The following LRRC2 variants were observed in gnomAD, a reference collection of about 807,000 sequenced individuals.
LRRC2 encodes the protein leucine rich repeat containing 2, also known as leucine-rich repeat-containing protein 2.
Under a neutral mutation model 40.2 loss-of-function variants are expected in LRRC2, and 27 were observed. The observed-to-expected ratio is 0.67, with a 90% confidence interval of 0.49 to 0.93. The LOEUF (loss-of-function observed/expected upper bound fraction) is 0.93, where lower values mean the gene tolerates loss of function less well. Ranked by LOEUF, LRRC2 falls within the 40% of genes least tolerant of loss-of-function variation. LRRC2 has a pLI of 0.00. For missense variants in LRRC2, 402 were observed against 439.6 expected, an observed-to-expected ratio of 0.91 and a Z score of 0.76; for synonymous variants, 147 against 158.9, an observed-to-expected ratio of 0.92 and a Z score of 0.56.
At chr3:46,535,333 G>A (rs755605262) in intron 4 of LRRC2, among the ~76,000 whole-genome samples, 1 of 152,178 alleles carries the variant, frequency 6.6e-6, no homozygotes, top group Non-Finnish European at 1.5e-5. Context: ...GAAGGGAATC[G>A]TCTGTCTTTG....
At chr3:46,532,032 A>T (rs916626084) in intron 5 of LRRC2, among the ~76,000 whole-genome samples, 1 of 152,252 alleles carries the variant, frequency 6.6e-6, no homozygotes, top group Non-Finnish European at 1.5e-5. Flanking sequence ...GAAACTAATG[A>T]ATATTTTTAA....
At chr3:46,535,226 T>C (rs1192265199) in intron 4 of LRRC2, among the ~76,000 whole-genome samples, 1 of 152,214 alleles carries the variant, frequency 6.6e-6, no homozygotes, top group Non-Finnish European at 1.5e-5. Context: ...ATTGTGTTCT[T>C]TTCTTACGAT....
intron 5 of LRRC2, among the ~76,000 whole-genome samples, chr3:46,530,254 C>T (rs745829366): frequency 1.3e-5 from 2 of 152,124 alleles, no homozygotes; most frequent in South Asian, 2.1e-4. Context: ...TAATACACTG[C>T]GGCTGCCTTC....
chr3:46,564,160 G>A (rs1383445901), intron 1 of LRRC2, among the ~76,000 whole-genome samples: 10 of 151,842 alleles, frequency 6.6e-5, no homozygotes, highest in Non-Finnish European at 1.2e-4. Flanking sequence ...ACCAACCCCT[G>A]TAGAAGCCAA....
intron 3 of LRRC2, among the ~76,000 whole-genome samples, chr3:46,542,701 G>A (rs1407127119): frequency 6.6e-6 from 1 of 152,164 alleles, no homozygotes; most frequent in African/African-American, 2.4e-5. Context: ...ACAGCTCGGG[G>A]AAATTAAACA....
intron 2 of LRRC2, among the ~76,000 whole-genome samples, chr3:46,548,511 C>T (rs1482836799): frequency 8.5e-5 from 13 of 152,156 alleles, no homozygotes; most frequent in Admixed American, 8.5e-4. Flanking sequence ...TTCCTCTCAA[C>T]TCAGTTTTAG....
chr3:46,517,951 G>A lies in LRRC2; in HGVS notation c.*1063C>T, dbSNP rs1296664484. The A allele has an allele frequency of 6.6e-6, 1 of 152,318 alleles. No individual in the cohort carries two copies. The highest frequency in any genetic ancestry group is 1.5e-5 in the Non-Finnish European group (1 of 68,146). The allele number at this position is 152,318 out of a possible 1,614,324, so 9.4% of individuals were successfully genotyped here. ...ATTACCCTACATGGCCATCTTGGAG[G>A]AAGGGACCCTGAGGGCGTTGCCTTT... On this transcript the variant is annotated 3_prime_UTR_variant, in exon 9 of 9. Transcript: ENST00000395905.
intron 1 of LRRC2, among the ~76,000 whole-genome samples, chr3:46,560,029 G>A (rs1375912983): frequency 2.0e-5 from 3 of 152,174 alleles, no homozygotes; most frequent in Admixed American, 2.0e-4. Context: ...ATGTCCAGAG[G>A]TGCTGGGAAG....
chr3:46,563,909 AG>A (rs1173278505), intron 1 of LRRC2, among the ~76,000 whole-genome samples: 1 of 152,256 alleles, frequency 6.6e-6, no homozygotes, highest in Non-Finnish European at 1.5e-5. Context: ...GAGTAGTCCA[AG>A]GGCTACAGAT....
chr3:46,528,323 G>A (rs1704095557), intron 6 of LRRC2, among the ~76,000 whole-genome samples: 1 of 150,622 alleles, frequency 6.6e-6, no homozygotes, highest in African/African-American at 2.4e-5. Context: ...GAAAGACGGG[G>A]TCTCACTATG....
intron 1 of LRRC2, among the ~76,000 whole-genome samples, chr3:46,553,757 G>A (rs1575360531): frequency 1.3e-5 from 2 of 152,144 alleles, no homozygotes; most frequent in South Asian, 4.1e-4. Context: ...CATAGTGCTG[G>A]GATCACAGGC....
At chr3:46,542,194 A>G (rs1002635460) in intron 3 of LRRC2, among the ~76,000 whole-genome samples, 4 of 152,116 alleles carry the variant, frequency 2.6e-5, no homozygotes, top group Admixed American at 6.5e-5. Context: ...CACATACCCT[A>G]AAAGAAAAAG....
At chr3:46,558,520 T>C (rs977277588) in intron 1 of LRRC2, 1 of 152,280 alleles carries the variant, frequency 6.6e-6, no homozygotes, top group Non-Finnish European at 1.5e-5. Flanking sequence ...TCTATTCCAG[T>C]GTCCAGGTCT....
At chr3:46,552,860 G>C (rs529205627) in intron 1 of LRRC2, among the ~76,000 whole-genome samples, 15 of 148,478 alleles carry the variant, frequency 1.0e-4, no homozygotes, top group African/African-American at 3.5e-4. Flanking sequence ...GGTTTTCAAA[G>C]AGCAAGGAAA....
chr3:46,521,856 T>C lies in LRRC2; in HGVS notation c.930-198A>G, dbSNP rs545299267. ...GTAATATAGAGCCAGTTTTAAAGTA[T>C]AGACTTTTCAGAGGCCTGATGGGGA... On this transcript the variant is annotated intron_variant, in intron 7 of 8. Coordinates refer to ENST00000395905, the MANE Select transcript of LRRC2 (RefSeq NM_024512.5). Among the ~76,000 whole-genome samples the C allele has an allele frequency of 3.9e-5, 6 of 152,308 alleles. No individual in the cohort carries two copies. The South Asian group carries it at 1.0e-3, about 26-fold the overall frequency.
chr3:46,564,202 T>C (rs1705010552), intron 1 of LRRC2, among the ~76,000 whole-genome samples: 1 of 149,642 alleles, frequency 6.7e-6, no homozygotes, highest in African/African-American at 2.5e-5. Context: ...GTTGGGAGAG[T>C]CCTGCAGGGA....
At chr3:46,540,899 G>A (rs1356368228) in intron 3 of LRRC2, among the ~76,000 whole-genome samples, 2 of 152,140 alleles carry the variant, frequency 1.3e-5, no homozygotes, top group Non-Finnish European at 2.9e-5. Context: ...CTGACCACAG[G>A]CTCATAATCA....
intron 3 of LRRC2, among the ~76,000 whole-genome samples, chr3:46,540,423 G>A (rs992917594): frequency 3.3e-5 from 5 of 151,928 alleles, no homozygotes; most frequent in African/African-American, 1.2e-4. Context: ...TACTTGGGAG[G>A]CTGAGGAAGG....
intron 7 of LRRC2, among the ~76,000 whole-genome samples, chr3:46,524,639 AT>A (rs1233400026): frequency 2.0e-5 from 3 of 152,102 alleles, no homozygotes; most frequent in African/African-American, 7.2e-5. Context: ...CATATTTTAA[AT>A]TTTTTCTTTC....
Sources: allele counts gnomAD v4.1 joint callset (sites outside exome capture counted in the v4.1 genomes callset), GRCh38; gene constraint gnomAD v4.1.1; transcripts MANE v1.5; gene names NCBI Gene and HGNC (gene_info 2026-07-23, HGNC 2026-07-21).